Variants in TIRAP observed in about 807,000 individuals in gnomAD.
TIRAP encodes TIR domain containing adaptor protein, also known as toll/interleukin-1 receptor domain-containing adapter protein.
TIRAP carries 20 observed loss-of-function variants against 19.8 expected under a neutral mutation model. The observed-to-expected ratio is 1.01, with a 90% CI of 0.71 to 1.47. TIRAP has a LOEUF of 1.47. Ranked by LOEUF, TIRAP falls within the 40% of genes most tolerant of loss-of-function variation. TIRAP has a pLI of 0.00. For missense variants in TIRAP, 276 were observed against 285.1 expected (o/e 0.97, Z 0.23); for synonymous variants, 125 against 121.7 (o/e 1.03, Z -0.18).
Position 126,288,775 on chromosome 11 carries a change from T to C in TIRAP, c.-216-1687T>C, listed in dbSNP as rs537883742. Among the ~76,000 whole-genome samples, 78 of 152,308 alleles carry C rather than the reference T, an allele frequency of 5.1e-4. 1 individual carries two copies. The South Asian group carries it at 0.014, about 28-fold the overall frequency. The stretch of plus-strand genomic sequence containing the variant: ...AAACTGAAACTTTAAAATCTACATA[T>C]ATTAAGTAGATTAACATATTATGTT... On this transcript the variant is annotated intron_variant, in intron 1 of 4. Transcript: ENST00000392679. The surrounding 1 kb of genome is among the most constrained non-coding windows in gnomAD (Gnocchi z 5.0).
chr11:126,291,212 C>A lies in TIRAP; in HGVS notation c.67+251C>A. On this transcript the variant is annotated intron_variant, in intron 3 of 4. Coordinates refer to ENST00000392679, the MANE Select transcript of TIRAP (RefSeq NM_001318777.2). This position sits in a 1 kb window ranked among gnomAD's most constrained non-coding sequence, Gnocchi z 5.6. ...AGGCCTGCTCAGCTAGCTTTCCTAG[C>A]CTGGAAACCACTGTGCTGAGTGCTT... 1.7e-6 allele frequency: 1 copy of A among 605,356 alleles called. No individual in the cohort carries two copies. The highest frequency in any genetic ancestry group is 2.8e-6 in the Non-Finnish European group (1 of 353,366). The allele number at this position is 605,356 out of a possible 1,614,324, so 37.5% of individuals were successfully genotyped here.
Position 126,290,847 on chromosome 11 carries a change from C to T in TIRAP, c.-48C>T, listed in dbSNP as rs1456941953. 1.3e-6 allele frequency: 2 copies of T among 1,568,202 alleles called. No homozygotes were observed. Among genetic ancestry groups the T allele is most frequent in the Admixed American group, 1.9e-5 (1 of 52,450 alleles). ...CAAGACTGGGTCTCCTCCCTCCTCCCCCTTCACCAATGCCTGGTCTCACGG... is the reference window on the plus strand; with the variant it reads ...CAAGACTGGGTCTCCTCCCTCCTCCTCCTTCACCAATGCCTGGTCTCACGG... On this transcript the variant is annotated 5_prime_UTR_variant, in exon 3 of 5. Coordinates refer to ENST00000392679, the MANE Select transcript of TIRAP (RefSeq NM_001318777.2). This position sits in a 1 kb window ranked among gnomAD's most constrained non-coding sequence, Gnocchi z 4.9.
intron 1 of TIRAP, among the ~76,000 whole-genome samples, chr11:126,284,453 AATTT>A (rs759197751): frequency 2.0e-4 from 31 of 152,172 alleles, no homozygotes; most frequent in South Asian, 1.2e-3. Context: ...GCTAGACCAC[AATTT>A]ATTTATCCAT....
intron 1 of TIRAP, chr11:126,289,950 C>A: frequency 2.1e-6 from 1 of 466,484 alleles, no homozygotes; most frequent in Non-Finnish European, 2.8e-6. Flanking sequence ...GACTTTGGAA[C>A]AGCACTGAAT....
chr11:126,287,389 C>A lies in TIRAP; in HGVS notation c.-216-3073C>A, dbSNP rs915352861. Among the ~76,000 whole-genome samples, 9 of 151,756 alleles carry A rather than the reference C, an allele frequency of 5.9e-5. No individual in the cohort carries two copies. The highest frequency in any genetic ancestry group is 3.3e-4 in the Admixed American group (5 of 15,232). On this transcript the variant is annotated intron_variant, in intron 1 of 4. Transcript: ENST00000392679. The surrounding 1 kb of genome is among the most constrained non-coding windows in gnomAD (Gnocchi z 4.2). ...AGGCTGGAGTGCAGTGGCATGATCT[C>A]GGCTCACTGCAACCTCCACCTCCCG...
chr11:126,292,440 G>T, intron 3 of TIRAP, 37 bp from the exon 4 acceptor site: 1 of 1,606,106 alleles, frequency 6.2e-7, no homozygotes, highest in Non-Finnish European at 8.5e-7. Context: ...AGGGCACCTG[G>T]TAACACACAG....
chr11:126,293,567 T>C (rs1951434944), intron 4 of TIRAP, 101 bp from the exon 5 acceptor site: 1 of 1,360,802 alleles, frequency 7.3e-7, no homozygotes, highest in Admixed American at 1.7e-5. Flanking sequence ...GCAGTAGGTT[T>C]GGAAGTGTAA....
At chr11:126,285,519 C>T (rs989885365) in intron 1 of TIRAP, among the ~76,000 whole-genome samples, 1 of 151,630 alleles carries the variant, frequency 6.6e-6, no homozygotes, top group African/African-American at 2.4e-5. Context: ...CTCGGCCTCC[C>T]AAAGTGCCGG....
chr11:126,292,775 T>G lies in TIRAP; in HGVS notation c.366T>G (p.Asp122Glu), dbSNP rs747158943. 1.9e-6 allele frequency: 3 copies of G among 1,613,130 alleles called. No individual in the cohort carries two copies. In the South Asian group the frequency reaches 3.3e-5, roughly 18 times the overall value. ...TGCGCTGCTTCCTGCAACTCCGGGA[T>G]GCAACCCCAGGCGGCGCTATAGTGT... is the stretch of plus-strand genomic sequence containing the variant. ...ASLRCFLQLRDATPGGAIVSE... is the reference protein window; with the variant it reads ...ASLRCFLQLREATPGGAIVSE... The change falls in exon 4 of 5, where the codon GAT (aspartate) becomes GAG (glutamate). Residue 122 changes from aspartate to glutamate, a missense_variant. Physicochemically the swap from Asp to Glu is conservative, Grantham distance 45. Coordinates refer to ENST00000392679, the MANE Select transcript of TIRAP (RefSeq NM_001318777.2).
Position 126,290,848 on chromosome 11 carries a change from C to T in TIRAP, c.-47C>T, listed in dbSNP as rs767436996. 6.4e-7 allele frequency: 1 copy of T among 1,569,332 alleles called. No homozygotes were observed. The highest frequency in any genetic ancestry group is 1.4e-5 in the African/African-American group (1 of 73,918). ...AAGACTGGGTCTCCTCCCTCCTCCC[C>T]CTTCACCAATGCCTGGTCTCACGGG... On this transcript the variant is annotated 5_prime_UTR_variant, in exon 3 of 5. Transcript: ENST00000392679. The surrounding 1 kb of genome is among the most constrained non-coding windows in gnomAD (Gnocchi z 4.9).
chr11:126,291,869 A>G lies in TIRAP; in HGVS notation c.68-608A>G, dbSNP rs891213220. Reference sequence around the variant, plus strand: ...AGGTGGGCTGGGCTGGGGGTACCAGATATCAAAGGGCCTGGAGTAGTGCAA... The same window carrying G: ...AGGTGGGCTGGGCTGGGGGTACCAGGTATCAAAGGGCCTGGAGTAGTGCAA... On this transcript the variant is annotated intron_variant, in intron 3 of 4. Coordinates refer to ENST00000392679, the MANE Select transcript of TIRAP (RefSeq NM_001318777.2). This position sits in a 1 kb window ranked among gnomAD's most constrained non-coding sequence, Gnocchi z 5.6. 2.6e-5 allele frequency among the ~76,000 whole-genome samples: 4 copies of G among 151,908 alleles called. No individual in the cohort carries two copies. Among genetic ancestry groups the G allele is most frequent in the Admixed American group, 1.3e-4 (2 of 15,268 alleles).
Position 126,291,300 on chromosome 11 carries a change from G to T in TIRAP, c.67+339G>T. 1 of 588,214 alleles carries T rather than the reference G, an allele frequency of 1.7e-6. No homozygotes were observed. The highest frequency in any genetic ancestry group is 2.8e-6 in the Non-Finnish European group (1 of 351,702). The allele number at this position is 588,214 out of a possible 1,614,324, so 36.4% of individuals were successfully genotyped here. On this transcript the variant is annotated intron_variant, in intron 3 of 4. Coordinates refer to ENST00000392679, the MANE Select transcript of TIRAP (RefSeq NM_001318777.2). The surrounding 1 kb of genome is among the most constrained non-coding windows in gnomAD (Gnocchi z 5.6). Reference sequence around the variant, plus strand: ...CCATTTAGAGGAGAAGCCAAGCAGAGAGAGAAAATGAATCAATCCCCACCA... The same window carrying T: ...CCATTTAGAGGAGAAGCCAAGCAGATAGAGAAAATGAATCAATCCCCACCA...
At position 126,291,671 on chromosome 11, in the gene TIRAP, C is replaced by T. The variant is rs1458447510; in HGVS notation, c.67+710C>T. On this transcript the variant is annotated intron_variant, in intron 3 of 4. Transcript: ENST00000392679. The surrounding 1 kb of genome is among the most constrained non-coding windows in gnomAD (Gnocchi z 5.6). ...AGGATTTCTTGGGGCCAAACAGATG[C>T]CAGTCCTCCGTACCCCTTCCTTCCT... 2.5e-6 allele frequency: 1 copy of T among 397,042 alleles called. No individual in the cohort carries two copies. The highest frequency in any genetic ancestry group is 1.8e-5 in the South Asian group (1 of 54,792). 24.6% of individuals were successfully genotyped at this position (397,042 alleles called of 1,614,324 possible). A position where few individuals can be genotyped will look rare whatever the true frequency, so the allele number is the denominator to read the frequency against.
chr11:126,294,641 T>G lies in TIRAP; in HGVS notation c.*954T>G, dbSNP rs775655543. The stretch of plus-strand genomic sequence containing the variant: ...CAAGGTTTCATTCATCTGTTCTCAG[T>G]AAGTTTGTTGTTGAACTGAAATGAA... On this transcript the variant is annotated 3_prime_UTR_variant, in exon 5 of 5. Transcript: ENST00000392679. The G allele has an allele frequency of 4.6e-6, 2 of 438,900 alleles. No individual in the cohort carries two copies. Among genetic ancestry groups the G allele is most frequent in the South Asian group, 3.2e-5 (2 of 62,118 alleles). The allele number at this position is 438,900 out of a possible 1,614,324, so 27.2% of individuals were successfully genotyped here.
chr11:126,290,987 T>G lies in TIRAP; in HGVS notation c.67+26T>G. 2 of 1,591,862 alleles carry G rather than the reference T, an allele frequency of 1.3e-6. No individual in the cohort carries two copies. The highest frequency in any genetic ancestry group is 1.7e-6 in the Non-Finnish European group (2 of 1,167,744). On this transcript the variant is annotated intron_variant, in intron 3 of 4. Coordinates refer to ENST00000392679, the MANE Select transcript of TIRAP (RefSeq NM_001318777.2). The surrounding 1 kb of genome is among the most constrained non-coding windows in gnomAD (Gnocchi z 4.9). ...GTGAGTGGAACCGGACTCGCGACTC[T>G]GCTGTGTTCCTGAGTGTAGTGCTCA...
At chr11:126,284,777 G>C (rs1045526154) in intron 1 of TIRAP, among the ~76,000 whole-genome samples, 1 of 151,476 alleles carries the variant, frequency 6.6e-6, no homozygotes, top group African/African-American at 2.4e-5. Context: ...TCGCTTGAAC[G>C]TGGGAGGCAG....
chr11:126,290,605 A>G lies in TIRAP; in HGVS notation c.-93+20A>G. 8.4e-7 allele frequency: 1 copy of G among 1,195,128 alleles called. No homozygotes were observed. The highest frequency in any genetic ancestry group is 1.0e-6 in the Non-Finnish European group (1 of 963,840). The allele number at this position is 1,195,128 out of a possible 1,614,324, so 74.0% of individuals were successfully genotyped here. Reference sequence around the variant, plus strand: ...TACCCTGTAAGTCTGACCACACTACACAGCTTTGGCTTTATCTAGAATCCA... The same window carrying G: ...TACCCTGTAAGTCTGACCACACTACGCAGCTTTGGCTTTATCTAGAATCCA... On this transcript the variant is annotated intron_variant, in intron 2 of 4. Transcript: ENST00000392679. The surrounding 1 kb of genome is among the most constrained non-coding windows in gnomAD (Gnocchi z 4.9).
Position 126,290,792 on chromosome 11 carries a change from A to C in TIRAP, c.-92-11A>C, listed in dbSNP as rs1893352. The C allele has an allele frequency of 3.3e-6, 5 of 1,504,330 alleles. No homozygotes were observed. Among genetic ancestry groups the C allele is most frequent in the Non-Finnish European group, 2.7e-6 (3 of 1,130,774 alleles). 93.2% of individuals were successfully genotyped at this position (1,504,330 alleles called of 1,614,324 possible). On this transcript the variant is annotated splice_polypyrimidine_tract_variant and intron_variant, in intron 2 of 4. Coordinates refer to ENST00000392679, the MANE Select transcript of TIRAP (RefSeq NM_001318777.2). This position sits in a 1 kb window ranked among gnomAD's most constrained non-coding sequence, Gnocchi z 4.9. ...GCAGCCTTTGTGATTCTCTCTCTCT[A>C]CCCTCTGTAGGATGGCTGCTCCATG...
Position 126,293,826 on chromosome 11 carries a change from A to G in TIRAP, c.*139A>G. The G allele has an allele frequency of 1.1e-6, 1 of 921,306 alleles. No individual in the cohort carries two copies. Among genetic ancestry groups the G allele is most frequent in the Non-Finnish European group, 1.8e-6 (1 of 571,000 alleles). 57.1% of individuals were successfully genotyped at this position (921,306 alleles called of 1,614,324 possible). ...GCTTTGCTCGTGACCCTGGGATCAGAGCACCCATCAGGCTTCCATTACTGT... is the reference window on the plus strand; with the variant it reads ...GCTTTGCTCGTGACCCTGGGATCAGGGCACCCATCAGGCTTCCATTACTGT... On this transcript the variant is annotated 3_prime_UTR_variant, in exon 5 of 5. Transcript: ENST00000392679.
Sources: gnomAD v4.1 joint callset for allele counts (sites outside exome capture counted in the v4.1 genomes callset) on GRCh38, gnomAD v4.1.1 for gene constraint, Gnocchi (gnomAD v3.1) non-coding constraint, MANE v1.5 for transcripts, NCBI Gene and HGNC (gene_info 2026-07-23, HGNC 2026-07-21) for gene names.